MAK: variants seen among roughly 807,000 people sequenced by gnomAD.
The protein encoded by MAK is male germ cell associated kinase, also known as serine/threonine-protein kinase MAK.
MAK carries 65 observed loss-of-function variants against 82.6 expected under a neutral mutation model. The ratio of observed to expected loss-of-function variants is 0.79; its 90% CI spans 0.64 to 0.97. The LOEUF (loss-of-function observed/expected upper bound fraction) is 0.97. Among genes scored for constraint, MAK ranks in the 50% least tolerant of loss-of-function variants. MAK has a pLI of 0.00. For missense variants in MAK, 703 were observed against 780.2 expected (o/e 0.90, Z 1.18); for synonymous variants, 250 against 274.2 (o/e 0.91, Z 0.87).
chr6:10,809,425 G>A (rs1052912231), intron 5 of MAK, among the ~76,000 whole-genome samples: 2 of 152,046 alleles, frequency 1.3e-5, no homozygotes, highest in African/African-American at 4.8e-5. Context: ...GCTCGATCTC[G>A]GCTCAAGCAA....
At position 10,830,612 on chromosome 6, in the gene MAK, C is replaced by T. The variant is rs387906647; in HGVS notation, c.37G>A (p.Gly13Ser). ...RYTTMRQLGD[G>S]TYGSVLMGKS... ...CCCATAAGCACACTCCCATACGTGC[C>T]GTCCCCCAACTGTCTCATGGTTGTG... Residue 13 changes from glycine to serine, a missense_variant, in exon 2 of 15, where the codon GGC becomes AGC. By Grantham distance (56) the Gly-to-Ser change is moderately conservative. Coordinates refer to ENST00000354489, the MANE Select transcript of MAK (RefSeq NM_001242957.3). The T allele has an allele frequency of 2.2e-5, 36 of 1,613,984 alleles. No homozygotes were observed. The highest frequency in any genetic ancestry group is 2.7e-5 in the Non-Finnish European group (32 of 1,180,002).
chr6:10,833,342 T>C (rs1778945822), intron 1 of MAK, among the ~76,000 whole-genome samples: 1 of 152,104 alleles, frequency 6.6e-6, no homozygotes, highest in African/African-American at 2.4e-5. Context: ...CCCTGGCTCA[T>C]CCCTGTAATC....
chr6:10,825,784 G>T (rs1778318279), intron 2 of MAK, among the ~76,000 whole-genome samples: 2 of 151,980 alleles, frequency 1.3e-5, no homozygotes, highest in Non-Finnish European at 2.9e-5. Context: ...TATAGAGCCT[G>T]CTTCCTACAT....
rs1456777306 is a variant in MAK, at chr6:10,807,786, G to T, written c.491+1024C>A. ...GATCAAGAAAGACATGTTATCGGCC[G>T]GGCCCGGTGGCTCACGCCTGTAATC... On this transcript the variant is annotated intron_variant, in intron 6 of 14. Coordinates refer to ENST00000354489, the MANE Select transcript of MAK (RefSeq NM_001242957.3). Among the ~76,000 whole-genome samples the T allele has an allele frequency of 1.3e-5, 2 of 151,896 alleles. 1 individual carries two copies. Among genetic ancestry groups the T allele is most frequent in the African/African-American group, 4.8e-5 (2 of 41,362 alleles).
chr6:10,770,205 G>C lies in MAK; in HGVS notation c.1698C>G (p.Tyr566Ter). 1 of 1,614,100 alleles carries C rather than the reference G, an allele frequency of 6.2e-7. No individual in the cohort carries two copies. Among genetic ancestry groups the C allele is most frequent in the Non-Finnish European group, 8.5e-7 (1 of 1,180,002 alleles). Residue 566 changes from tyrosine to a stop codon, truncating the protein, a stop_gained, in exon 14 of 15, where the codon TAC becomes TAG. Coordinates refer to ENST00000354489, the MANE Select transcript of MAK (RefSeq NM_001242957.3). LOFTEE classifies it high-confidence loss of function. Reference protein sequence around the residue: ...PQGNLGSYATYNQSGYIPSFL... With the variant: ...PQGNLGSYAT The stretch of plus-strand genomic sequence containing the variant: ...AGGAAGGAATATATCCTGACTGATT[G>C]TAAGTAGCATAACTTCCAAGATTTC...
chr6:10,827,312 A>ATCTT (rs1778450786), intron 2 of MAK, among the ~76,000 whole-genome samples: 1 of 152,070 alleles, frequency 6.6e-6, no homozygotes. Flanking sequence ...TTTTGGGTGT[A>ATCTT]TCTTTCCAGG....
intron 11 of MAK, among the ~76,000 whole-genome samples, chr6:10,778,305 G>GCAT (rs1178675112): frequency 6.6e-6 from 1 of 152,196 alleles, no homozygotes; most frequent in Non-Finnish European, 1.5e-5. Context: ...TGAGCAGGGT[G>GCAT]CATCATGTTT....
At chr6:10,818,749 A>C in intron 3 of MAK, 137 bp downstream of exon 3, 1 of 669,476 alleles carries the variant, frequency 1.5e-6, no homozygotes, top group Non-Finnish European at 2.7e-6. Flanking sequence ...AGAAATGAGA[A>C]ATTAATTTAG....
At chr6:10,779,198 C>T (rs1285079970) in intron 11 of MAK, 3 of 233,318 alleles carry the variant, frequency 1.3e-5, no homozygotes, top group East Asian at 1.9e-4. Context: ...GTGGTGGCAT[C>T]GATTCATGCC....
At chr6:10,823,878 C>T (rs959913656) in intron 2 of MAK, among the ~76,000 whole-genome samples, 1 of 151,952 alleles carries the variant, frequency 6.6e-6, no homozygotes, top group Non-Finnish European at 1.5e-5. Flanking sequence ...GATCTTAAAG[C>T]GGTATCTAAC....
At chr6:10,832,899 A>G (rs923730909) in intron 1 of MAK, among the ~76,000 whole-genome samples, 13 of 152,240 alleles carry the variant, frequency 8.5e-5, no homozygotes, top group Non-Finnish European at 1.6e-4. Flanking sequence ...CATAATTTGC[A>G]TATGTACTTT....
intron 1 of MAK, among the ~76,000 whole-genome samples, chr6:10,834,447 T>C (rs1194923302): frequency 6.6e-6 from 1 of 152,218 alleles, no homozygotes; most frequent in East Asian, 1.9e-4. Context: ...CAAGCCATTC[T>C]TATGAACTGG....
chr6:10,775,594 C>G, intron 11 of MAK, 135 bp from the exon 12 acceptor site: 1 of 971,638 alleles, frequency 1.0e-6, no homozygotes. Flanking sequence ...GAAAATGTAG[C>G]AGATACTTGC....
At chr6:10,784,952 G>T (rs547499140) in intron 10 of MAK, 88 of 464,052 alleles carry the variant, frequency 1.9e-4, no homozygotes, top group Non-Finnish European at 3.4e-4. Flanking sequence ...CAATGAGGTT[G>T]TTTGGGGCAT....
At chr6:10,766,726 G>C (rs948038720) in intron 14 of MAK, among the ~76,000 whole-genome samples, 2 of 152,024 alleles carry the variant, frequency 1.3e-5, no homozygotes, top group African/African-American at 4.8e-5. Context: ...AATAAGCCCC[G>C]CTTATTCAGG....
In MAK at chr6:10,820,342, C is replaced by T. The variant is rs139432424; in HGVS notation, c.102-1402G>A. On this transcript the variant is annotated intron_variant, in intron 2 of 14. Transcript: ENST00000354489. ...AGAGGCTCTATGGGGGTATAATACA[C>T]AGGTGAGGAAATGAGTAAAAATTGG... 6.6e-5 allele frequency among the ~76,000 whole-genome samples: 10 copies of T among 152,116 alleles called. No individual in the cohort carries two copies. In the East Asian group the frequency reaches 1.9e-3, roughly 29 times the overall value.
At chr6:10,836,026 G>T (rs1344061386) in intron 1 of MAK, among the ~76,000 whole-genome samples, 2 of 152,132 alleles carry the variant, frequency 1.3e-5, no homozygotes, top group Non-Finnish European at 2.9e-5. Flanking sequence ...GGCTATTTTG[G>T]CAACTTCATT....
chr6:10,815,161 T>G (rs1195205766), intron 4 of MAK, among the ~76,000 whole-genome samples: 1 of 152,170 alleles, frequency 6.6e-6, no homozygotes, highest in Non-Finnish European at 1.5e-5. Context: ...TATATTTAAT[T>G]TAACCTAATA....
chr6:10,797,541 G>T, intron 8 of MAK: 2 of 971,200 alleles, frequency 2.1e-6, no homozygotes, highest in African/African-American at 3.5e-5. Flanking sequence ...GGCTAAAACC[G>T]AAAAAATATT....
Sources: allele counts gnomAD v4.1 joint callset (sites outside exome capture counted in the v4.1 genomes callset), GRCh38; gene constraint gnomAD v4.1.1; transcripts MANE v1.5; gene names NCBI Gene and HGNC (gene_info 2026-07-23, HGNC 2026-07-21).